Variants in GABBR2 observed in about 807,000 individuals in gnomAD.
GABBR2 encodes gamma-aminobutyric acid type B receptor subunit 2.
A neutral mutation model predicts 105.6 loss-of-function variants in GABBR2; 23 were observed. The ratio of observed to expected loss-of-function variants is 0.22; its 90% confidence interval spans 0.16 to 0.31. GABBR2 has a LOEUF of 0.31. Ranked by LOEUF, GABBR2 falls within the 10% of genes least tolerant of loss-of-function variation. The pLI, the probability that GABBR2 is intolerant of heterozygous loss-of-function variation, is 1.00. For missense variants in GABBR2, 734 were observed against 1,245.5 expected (o/e 0.59, Z 6.18); for synonymous variants, 478 against 499.7 (o/e 0.96, Z 0.58).
Position 98,388,986 on chromosome 9 carries a change from T to A in GABBR2, c.1397A>T (p.Asp466Val). ...IRFQGSEPPK[D>V]KTIILEQLRK... ...CAGCTGCTCCAGGATGATGGTCTTG[T>A]CTTTTGGTGGTTCGGATCCTAGAGG... The change falls in exon 10 of 19, where the codon GAC (aspartate) becomes GTC (valine). Residue 466 changes from aspartate (D) to valine (V), a missense_variant. Asp to Val is a radical substitution (Grantham distance 152). Coordinates refer to ENST00000259455, the MANE Select transcript of GABBR2 (RefSeq NM_005458.8). The surrounding 1 kb of genome is among the most constrained non-coding windows in gnomAD (Gnocchi z 4.4). 6.2e-7 allele frequency: 1 copy of A among 1,613,504 alleles called. No individual in the cohort carries two copies. The highest frequency in any genetic ancestry group is 1.7e-5 in the Admixed American group (1 of 59,970).
intron 8 of GABBR2, among the ~76,000 whole-genome samples, chr9:98,399,086 T>C (rs1832344105): frequency 6.6e-6 from 1 of 152,104 alleles, no homozygotes. Context: ...CCGGGTGTAG[T>C]GGCTCATGCC....
At chr9:98,371,732 A>G (rs1831786412) in intron 11 of GABBR2, among the ~76,000 whole-genome samples, 161 bp from the exon 12 acceptor site, 1 of 152,178 alleles carries the variant, frequency 6.6e-6, no homozygotes, top group Non-Finnish European at 1.5e-5. Context: ...TTTCCATTCA[A>G]TAGGCATTTA....
At chr9:98,419,070 T>C (rs904458396) in intron 7 of GABBR2, among the ~76,000 whole-genome samples, 7 of 152,234 alleles carry the variant, frequency 4.6e-5, no homozygotes, top group Non-Finnish European at 1.0e-4. Context: ...AATCTTCGCT[T>C]TAAGCCAGGG....
chr9:98,422,953 A>C (rs1832810735), intron 7 of GABBR2, among the ~76,000 whole-genome samples: 1 of 152,114 alleles, frequency 6.6e-6, no homozygotes, highest in African/African-American at 2.4e-5. Context: ...ATCATTTTTT[A>C]AGGCTGCACA....
intron 3 of GABBR2, among the ~76,000 whole-genome samples, chr9:98,515,753 C>T (rs1827744970): frequency 6.7e-6 from 1 of 150,152 alleles, no homozygotes; most frequent in Non-Finnish European, 1.5e-5. Context: ...GGGCCACAGG[C>T]GACACACCAG....
intron 1 of GABBR2, among the ~76,000 whole-genome samples, chr9:98,654,808 G>GTAATTGC (rs2131848474): frequency 6.6e-6 from 1 of 152,286 alleles, no homozygotes; most frequent in East Asian, 1.9e-4. Flanking sequence ...GATATTTACA[G>GTAATTGC]CAACTTTATT....
intron 1 of GABBR2, among the ~76,000 whole-genome samples, chr9:98,619,287 T>G (rs1829635849): frequency 6.6e-6 from 1 of 151,450 alleles, no homozygotes; most frequent in African/African-American, 2.4e-5. Flanking sequence ...CAGAAAAAAT[T>G]TATTAGGCCT....
chr9:98,409,220 AGGGTCT>A (rs1476016075), intron 7 of GABBR2, among the ~76,000 whole-genome samples: 1 of 152,198 alleles, frequency 6.6e-6, no homozygotes, highest in Non-Finnish European at 1.5e-5. Flanking sequence ...ACCATGACAA[AGGGTCT>A]GGACATGACT....
At chr9:98,460,798 G>A (rs1233050050) in intron 6 of GABBR2, among the ~76,000 whole-genome samples, 1 of 152,086 alleles carries the variant, frequency 6.6e-6, no homozygotes, top group East Asian at 1.9e-4. Context: ...ATCCTATGGA[G>A]CTCTATGAAC....
At chr9:98,533,834 A>G (rs1828117848) in intron 3 of GABBR2, among the ~76,000 whole-genome samples, 1 of 152,186 alleles carries the variant, frequency 6.6e-6, no homozygotes, top group African/African-American at 2.4e-5. Flanking sequence ...GGCTGGACCA[A>G]AGGGGCAAAG....
intron 1 of GABBR2, among the ~76,000 whole-genome samples, chr9:98,635,166 C>T (rs1466533376): frequency 2.0e-5 from 3 of 152,214 alleles, no homozygotes; most frequent in African/African-American, 4.8e-5. Context: ...TCTATAAAGA[C>T]AATCTTTCCC....
intron 1 of GABBR2, 60 bp downstream of exon 1, chr9:98,708,357 C>T: frequency 9.3e-6 from 12 of 1,296,972 alleles, no homozygotes; most frequent in Non-Finnish European, 1.1e-5. Flanking sequence ...TTGCCTGTGT[C>T]CAAACCACCC....
chr9:98,492,349 T>TAAAAAAAAAAAAAAAAAAAAAAA lies in GABBR2; in HGVS notation c.732+4041_732+4063dup, dbSNP rs574771107. ...GAGCCCGCTTAAGTTTGTTTCCTAGTAAAAAAAAAAAAAAAAAAAAAAAAA... is the reference window on the plus strand; with the variant it reads ...GAGCCCGCTTAAGTTTGTTTCCTAGTAAAAAAAAAAAAAAAAAAAAAAAAAAAAAAAAAAAAAAAAAAAAAAAA... On this transcript the variant is annotated intron_variant, in intron 4 of 18. Transcript: ENST00000259455. Among the ~76,000 whole-genome samples, 191 of 29,200 alleles carry TAAAAAAAAAAAAAAAAAAAAAAA rather than the reference T, an allele frequency of 6.5e-3. 47 individuals are homozygous for TAAAAAAAAAAAAAAAAAAAAAAA. The highest frequency in any genetic ancestry group is 0.012 in the Non-Finnish European group (139 of 11,648). The allele number at this position is 29,200 out of a possible 152,430, so 19.2% of individuals were successfully genotyped here.
At chr9:98,611,245 C>T (rs2778911) in intron 1 of GABBR2, among the ~76,000 whole-genome samples, 10,974 of 152,246 alleles carry the variant, frequency 0.072, 1,080 homozygotes, top group East Asian at 0.46. Flanking sequence ...TGTGGCATGG[C>T]CGCTGCCATT....
At chr9:98,573,606 T>C (rs536524507) in intron 2 of GABBR2, among the ~76,000 whole-genome samples, 3 of 152,376 alleles carry the variant, frequency 2.0e-5, no homozygotes, top group Admixed American at 6.5e-5. Context: ...TTTATTTTTG[T>C]TAATTGAGGT....
At chr9:98,531,504 C>A (rs1009669570) in intron 3 of GABBR2, among the ~76,000 whole-genome samples, 1 of 152,222 alleles carries the variant, frequency 6.6e-6, no homozygotes, top group Non-Finnish European at 1.5e-5. Flanking sequence ...GCAGCCACCA[C>A]TGAGCAAAAC....
At chr9:98,528,393 T>G (rs1828002185) in intron 3 of GABBR2, among the ~76,000 whole-genome samples, 1 of 152,108 alleles carries the variant, frequency 6.6e-6, no homozygotes, top group African/African-American at 2.4e-5. Context: ...TAGGTATGTA[T>G]TTACAAAAAT....
intron 3 of GABBR2, among the ~76,000 whole-genome samples, chr9:98,523,881 T>A (rs1827911862): frequency 6.6e-6 from 1 of 151,912 alleles, no homozygotes; most frequent in Admixed American, 6.6e-5. Flanking sequence ...TTTGAAAAAA[T>A]AATAAAAAAT....
intron 2 of GABBR2, chr9:98,555,577 C>T (rs1319680956): frequency 6.6e-6 from 1 of 152,190 alleles, no homozygotes; most frequent in Admixed American, 6.5e-5. Flanking sequence ...TTGCACTTGG[C>T]TTTCAGCTGA....
Sources: allele counts gnomAD v4.1 joint callset (sites outside exome capture counted in the v4.1 genomes callset), GRCh38; gene constraint gnomAD v4.1.1; non-coding constraint Gnocchi (gnomAD v3.1); transcripts MANE v1.5; gene names NCBI Gene and HGNC (gene_info 2026-07-23, HGNC 2026-07-21).